The following SPC25 variants were observed in gnomAD, a reference collection of about 807,000 sequenced individuals.
SPC25 encodes kinetochore protein Spc25.
Under a neutral mutation model 29.6 loss-of-function variants are expected in SPC25, and 22 were observed. That is an observed-to-expected ratio of 0.74 (90% confidence interval 0.53 to 1.06). The LOEUF (loss-of-function observed/expected upper bound fraction) is 1.06, where lower values mean the gene tolerates loss of function less well. SPC25 is among the 50% of genes least tolerant of loss of function. The probability of loss-of-function intolerance (pLI) is 0.00; values close to 1 mark genes in which losing one functional copy is unlikely to be tolerated. For synonymous variants in SPC25, 91 were observed against 90.4 expected (o/e 1.01, Z -0.04); for missense variants, 230 against 255.8 (o/e 0.90, Z 0.69).
chr2:168,889,760 G>A (rs1027319292), intron 1 of SPC25, among the ~76,000 whole-genome samples: 2 of 152,142 alleles, frequency 1.3e-5, no homozygotes, highest in African/African-American at 4.8e-5. Context: ...TAGTAGGTAA[G>A]TGTAACTGCA....
intron 3 of SPC25, among the ~76,000 whole-genome samples, chr2:168,888,240 G>C (rs1690303739): frequency 6.6e-6 from 1 of 152,086 alleles, no homozygotes; most frequent in Non-Finnish European, 1.5e-5. Context: ...TCATGCCACT[G>C]CACCCCAGCC....
downstream of SPC25, among the ~76,000 whole-genome samples, chr2:168,869,291 C>A (rs141494538): frequency 1.3e-5 from 2 of 151,984 alleles, no homozygotes; most frequent in Non-Finnish European, 2.9e-5. Context: ...CTTTGAAAAC[C>A]GGCACAAGAC....
At position 168,863,437 on chromosome 2, in the gene SPC25, C is replaced by T. The variant is rs1014424282; in HGVS notation, n.419+10148G>A. 4 of 984,938 alleles carry T rather than the reference C, an allele frequency of 4.1e-6. No individual in the cohort carries two copies. The African/African-American group carries it at 7.0e-5, about 17-fold the overall frequency. The allele number at this position is 984,938 out of a possible 1,614,324, so 61.0% of individuals were successfully genotyped here. On this transcript the variant is annotated intron_variant and non_coding_transcript_variant, in intron 4 of 4. Coordinates refer to the SPC25 transcript ENST00000479309. ...CTGAAAAATCACCTCAGAATGATGC[C>T]AAATAAAAAGTAGCTCTTGGATCCT... is the stretch of plus-strand genomic sequence containing the variant.
chr2:168,861,912 C>A, intron 4 of SPC25: 1 of 1,535,990 alleles, frequency 6.5e-7, no homozygotes, highest in Non-Finnish European at 9.0e-7. Context: ...AGCTCATATT[C>A]ATTTGCCTGC....
chr2:168,887,100 A>G (rs1413777860), intron 3 of SPC25, among the ~76,000 whole-genome samples: 1 of 152,132 alleles, frequency 6.6e-6, no homozygotes, highest in Non-Finnish European at 1.5e-5. Flanking sequence ...AGTGAAGGGC[A>G]TGGAAGCTTC....
At chr2:168,866,574 T>C (rs1096204), downstream of SPC25, among the ~76,000 whole-genome samples, 130,979 of 150,448 alleles carry the variant, frequency 0.87, 57,119 homozygotes, top group African/African-American at 0.96. Context: ...TGGGCAAGGA[T>C]TTCATGTCTA....
At chr2:168,872,910 T>C (rs1428705455) in intron 6 of SPC25, among the ~76,000 whole-genome samples, 4 of 152,114 alleles carry the variant, frequency 2.6e-5, no homozygotes, top group African/African-American at 9.7e-5. Flanking sequence ...TACAAAGGCT[T>C]TAAGATGATA....
At chr2:168,889,010 T>TAC (rs1491204752) in intron 3 of SPC25, among the ~76,000 whole-genome samples, 5 of 124,338 alleles carry the variant, frequency 4.0e-5, no homozygotes, top group Admixed American at 1.6e-4. Context: ...TACACATATA[T>TAC]GTATATATAT....
At chr2:168,871,699 G>T (rs1260474533) in intron 6 of SPC25, 144 bp from the exon 7 acceptor site, 2 of 727,502 alleles carry the variant, frequency 2.7e-6, no homozygotes, top group Non-Finnish European at 4.3e-6. Flanking sequence ...GGATACACTT[G>T]ATTTTCCTAT....
At chr2:168,883,236 T>C (rs1326324869) in intron 3 of SPC25, among the ~76,000 whole-genome samples, 3 of 152,100 alleles carry the variant, frequency 2.0e-5, no homozygotes, top group Non-Finnish European at 4.4e-5. Context: ...GATAGTTATA[T>C]AGATACCATG....
intron 3 of SPC25, among the ~76,000 whole-genome samples, chr2:168,886,959 A>C (rs2105837430): frequency 6.6e-6 from 1 of 152,374 alleles, no homozygotes; most frequent in South Asian, 2.1e-4. Context: ...TTCCAAACTT[A>C]ATTTTCTAAT....
intron 3 of SPC25, among the ~76,000 whole-genome samples, chr2:168,889,004 CAT>C (rs1335737563): frequency 1.4e-5 from 1 of 70,222 alleles, no homozygotes; most frequent in African/African-American, 5.4e-5. Context: ...TATATATACA[CAT>C]ATATGTATAT....
intron 3 of SPC25, 148 bp from the exon 4 acceptor site, chr2:168,877,532 C>T (rs545016259): frequency 2.1e-6 from 2 of 933,482 alleles, no homozygotes; most frequent in Non-Finnish European, 3.1e-6. Context: ...TTATAAAAGA[C>T]AAAAAAGAAA....
intron 4 of SPC25, among the ~76,000 whole-genome samples, chr2:168,864,016 T>G (rs981987846): frequency 1.3e-5 from 2 of 151,746 alleles, no homozygotes; most frequent in African/African-American, 4.8e-5. Context: ...ATTCAAGTGA[T>G]TCTCCTGCCT....
In SPC25 at chr2:168,873,566, A is replaced by C; in HGVS notation, c.550+19T>G. The C allele has an allele frequency of 3.9e-6, 6 of 1,530,034 alleles. No individual in the cohort carries two copies. Among genetic ancestry groups the C allele is most frequent in the Non-Finnish European group, 5.4e-6 (6 of 1,105,914 alleles). The allele number at this position is 1,530,034 out of a possible 1,614,324, so 94.8% of individuals were successfully genotyped here. A position where few individuals can be genotyped will look rare whatever the true frequency, so the allele number is the denominator to read the frequency against. On this transcript the variant is annotated intron_variant, in intron 6 of 6. Coordinates refer to ENST00000282074, the MANE Select transcript of SPC25 (RefSeq NM_020675.4). The stretch of plus-strand genomic sequence containing the variant: ...GGAACGCCAATCTTAAATACCAGTT[A>C]GGAGATATTAGTACATACCTTCATA...
intron 4 of SPC25, chr2:168,865,027 C>G: frequency 6.4e-7 from 1 of 1,573,268 alleles, no homozygotes; most frequent in African/African-American, 1.4e-5. Context: ...CAGTGTGGTT[C>G]AAATAAGAAT....
At chr2:168,886,914 GCA>G (rs1377616568) in intron 3 of SPC25, among the ~76,000 whole-genome samples, 1 of 152,166 alleles carries the variant, frequency 6.6e-6, no homozygotes, top group Non-Finnish European at 1.5e-5. Flanking sequence ...ATCTTTAAGA[GCA>G]CAGTTTGAGA....
downstream of SPC25, among the ~76,000 whole-genome samples, chr2:168,867,682 C>T (rs1689892306): frequency 6.6e-6 from 1 of 152,260 alleles, no homozygotes; most frequent in Admixed American, 6.5e-5. Flanking sequence ...ACAAGAAGAA[C>T]TAACTATCCT....
intron 4 of SPC25, among the ~76,000 whole-genome samples, 184 bp downstream of exon 4, chr2:168,877,054 C>A (rs1481915674): frequency 6.6e-6 from 1 of 151,948 alleles, no homozygotes; most frequent in Non-Finnish European, 1.5e-5. Context: ...TTAAGTAAGA[C>A]AAAAGAAAAT....
Sources: gnomAD v4.1 joint callset for allele counts (sites outside exome capture counted in the v4.1 genomes callset) on GRCh38, gnomAD v4.1.1 for gene constraint, MANE v1.5 for transcripts, NCBI Gene and HGNC (gene_info 2026-07-23, HGNC 2026-07-21) for gene names.